CHRM3: variants seen among roughly 807,000 people sequenced by gnomAD.
CHRM3 encodes cholinergic receptor muscarinic 3, also known as muscarinic acetylcholine receptor M3.
In CHRM3, 11 loss-of-function variants were observed where a neutral mutation model predicts 41.8. That is an observed-to-expected ratio of 0.26 (90% confidence interval 0.17 to 0.44). The LOEUF (loss-of-function observed/expected upper bound fraction) is 0.44. Among genes scored for constraint, CHRM3 ranks in the 20% least tolerant of loss-of-function variants. CHRM3 has a pLI of 1.00. For missense variants in CHRM3, 571 were observed against 745.4 expected (o/e 0.77, Z 2.72); for synonymous variants, 297 against 301.4 (o/e 0.99, Z 0.15).
intron 3 of CHRM3, among the ~76,000 whole-genome samples, chr1:239,560,538 A>G (rs1317758478): frequency 6.6e-6 from 1 of 152,088 alleles, no homozygotes; most frequent in Non-Finnish European, 1.5e-5. Flanking sequence ...CCATTTTTAC[A>G]TTTCTCTAAG....
intron 2 of CHRM3, among the ~76,000 whole-genome samples, chr1:239,511,906 C>T (rs1347898498): frequency 1.3e-5 from 2 of 152,028 alleles, no homozygotes; most frequent in Non-Finnish European, 2.9e-5. Flanking sequence ...AATTTTATTC[C>T]AAGTACATTT....
At position 239,908,255 on chromosome 1, in the gene CHRM3, G is replaced by A. The variant is rs761871631; in HGVS notation, c.804G>A (p.Leu268=). The A allele has an allele frequency of 3.1e-6, 5 of 1,614,012 alleles. No homozygotes were observed. The highest frequency in any genetic ancestry group is 4.2e-6 in the Non-Finnish European group (5 of 1,180,040). The part of the protein sequence containing the change: ...TEKRTKELAG[L]QASGTEAETE... ...AGCGTACCAAAGAGCTTGCTGGCCT[G>A]CAAGCCTCTGGGACAGAGGCAGAGA... Residue 268 remains leucine (L), a synonymous_variant, in exon 7 of 7, where the codon CTG becomes CTA. Coordinates refer to ENST00000676153, the MANE Select transcript of CHRM3 (RefSeq NM_001375978.1). The surrounding 1 kb of genome is among the most constrained non-coding windows in gnomAD (Gnocchi z 7.2).
chr1:239,420,097 G>GT (rs1222996640), intron 1 of CHRM3, among the ~76,000 whole-genome samples: 26 of 152,302 alleles, frequency 1.7e-4, no homozygotes, highest in African/African-American at 6.0e-4. Context: ...TGGGCCTGTA[G>GT]TTTGAGGAGT....
intron 3 of CHRM3, among the ~76,000 whole-genome samples, chr1:239,562,115 A>C (rs6670526): frequency 0.87 from 132,976 of 152,134 alleles, 58,913 homozygotes; most frequent in Non-Finnish European, 0.94. Context: ...ATGAGGCTAA[A>C]ACATTTTGAA....
chr1:239,849,613 C>G (rs1387845031), intron 6 of CHRM3, among the ~76,000 whole-genome samples: 4 of 152,208 alleles, frequency 2.6e-5, no homozygotes, highest in Non-Finnish European at 5.9e-5. Flanking sequence ...ACACTTTTCT[C>G]ATAGTCTAAG....
chr1:239,747,074 C>A (rs1393311614), intron 5 of CHRM3, among the ~76,000 whole-genome samples: 1 of 151,976 alleles, frequency 6.6e-6, no homozygotes, highest in Non-Finnish European at 1.5e-5. Context: ...TATTTCAATC[C>A]ATTAACGAGA....
chr1:239,703,270 T>C (rs1410271227), intron 5 of CHRM3: 2 of 152,202 alleles, frequency 1.3e-5, no homozygotes, highest in South Asian at 2.1e-4. Flanking sequence ...AGCTGAATGA[T>C]TCAGCTTTCA....
At chr1:239,552,624 CTAA>C (rs1179803273) in intron 3 of CHRM3, among the ~76,000 whole-genome samples, 1 of 82,576 alleles carries the variant, frequency 1.2e-5, no homozygotes, top group African/African-American at 3.9e-5. Flanking sequence ...CCACACCTGA[CTAA>C]TATTATTATT....
chr1:239,404,261 C>A (rs1464138945), intron 1 of CHRM3, among the ~76,000 whole-genome samples: 3 of 146,614 alleles, frequency 2.0e-5, no homozygotes, highest in Non-Finnish European at 4.5e-5. Context: ...TGCACTCCAG[C>A]CTGGGTGACA....
chr1:239,567,140 A>C (rs1381587559), intron 3 of CHRM3, among the ~76,000 whole-genome samples: 1 of 152,160 alleles, frequency 6.6e-6, no homozygotes, highest in Non-Finnish European at 1.5e-5. Context: ...AATTACTGTT[A>C]TGGGCTGTTT....
In CHRM3 at chr1:239,888,472, A is replaced by G. The variant is rs1047623683; in HGVS notation, c.-19-18961A>G. Among the ~76,000 whole-genome samples the G allele has an allele frequency of 5.3e-5, 8 of 152,242 alleles. No homozygotes were observed. In the East Asian group the frequency reaches 1.5e-3, roughly 29 times the overall value. On this transcript the variant is annotated intron_variant, in intron 6 of 6. Transcript: ENST00000676153. Reference sequence around the variant, plus strand: ...GCCAGGCATGGTGGTACACACCTGTAGTCCTAGCTACTCAGGAGGCTGAGG... The same window carrying G: ...GCCAGGCATGGTGGTACACACCTGTGGTCCTAGCTACTCAGGAGGCTGAGG...
At chr1:239,498,933 T>G (rs1043111940) in intron 2 of CHRM3, among the ~76,000 whole-genome samples, 1 of 152,184 alleles carries the variant, frequency 6.6e-6, no homozygotes, top group Non-Finnish European at 1.5e-5. Context: ...TTCCTTTTTA[T>G]TTAGCGTGCT....
intron 2 of CHRM3, among the ~76,000 whole-genome samples, chr1:239,535,203 A>G (rs148303538): frequency 2.0e-3 from 299 of 152,232 alleles, no homozygotes; most frequent in African/African-American, 6.9e-3. Context: ...GGGATTCACC[A>G]GGGTACCAAT....
chr1:239,421,614 C>A (rs541661830), intron 1 of CHRM3, among the ~76,000 whole-genome samples: 2 of 152,220 alleles, frequency 1.3e-5, no homozygotes, highest in East Asian at 3.9e-4. Flanking sequence ...AAAATAACTT[C>A]TTTGCTCTCT....
At chr1:239,696,134 G>C (rs1461564101) in intron 5 of CHRM3, among the ~76,000 whole-genome samples, 2 of 152,130 alleles carry the variant, frequency 1.3e-5, no homozygotes, top group East Asian at 1.9e-4. Flanking sequence ...GCCTGGCCTT[G>C]GGTGGGACAT....
At chr1:239,639,525 A>G (rs188274901) in intron 4 of CHRM3, among the ~76,000 whole-genome samples, 105 of 152,274 alleles carry the variant, frequency 6.9e-4, no homozygotes, top group African/African-American at 2.4e-3. Context: ...CTTTGAATCA[A>G]TTGTGAATAG....
intron 1 of CHRM3, among the ~76,000 whole-genome samples, chr1:239,482,242 C>A (rs895224470): frequency 6.6e-6 from 1 of 152,132 alleles, no homozygotes; most frequent in Non-Finnish European, 1.5e-5. Flanking sequence ...TTAGAACAAG[C>A]ATTTTCACAC....
intron 6 of CHRM3, among the ~76,000 whole-genome samples, chr1:239,858,746 G>T (rs1413956733): frequency 6.6e-6 from 1 of 152,084 alleles, no homozygotes; most frequent in Non-Finnish European, 1.5e-5. Context: ...CATCCATTAA[G>T]CAGTGACTCC....
At chr1:239,822,827 A>G (rs1406006123) in intron 5 of CHRM3, among the ~76,000 whole-genome samples, 1 of 152,190 alleles carries the variant, frequency 6.6e-6, no homozygotes, top group Non-Finnish European at 1.5e-5. Flanking sequence ...AGCTTAGGCA[A>G]TTTGCAACGT....
Sources: allele counts gnomAD v4.1 joint callset (sites outside exome capture counted in the v4.1 genomes callset), GRCh38; gene constraint gnomAD v4.1.1; non-coding constraint Gnocchi (gnomAD v3.1); transcripts MANE v1.5; gene names NCBI Gene and HGNC (gene_info 2026-07-23, HGNC 2026-07-21).